DSN1: variants seen among roughly 807,000 people sequenced by gnomAD.
The protein encoded by DSN1 is kinetochore-associated protein DSN1 homolog.
Under a neutral mutation model 45.7 loss-of-function variants are expected in DSN1, and 31 were observed. The observed-to-expected ratio is 0.68, with a 90% CI of 0.51 to 0.92. DSN1 has a LOEUF of 0.92. DSN1 is among the 40% of genes least tolerant of loss of function. The pLI, the probability that DSN1 is intolerant of heterozygous loss-of-function variation, is 0.00. For missense variants in DSN1, 394 were observed against 414.2 expected, an observed-to-expected ratio of 0.95 and a Z score of 0.42; for synonymous variants, 134 against 142.3, an observed-to-expected ratio of 0.94 and a Z score of 0.41.
chr20:36,765,755 G>A (rs1396716788), intron 5 of DSN1, among the ~76,000 whole-genome samples: 2 of 139,056 alleles, frequency 1.4e-5, no homozygotes, highest in African/African-American at 2.7e-5. Context: ...CCGAGATCCC[G>A]CCACTACACT....
chr20:36,759,129 C>T (rs1986836418), intron 6 of DSN1, among the ~76,000 whole-genome samples: 1 of 152,016 alleles, frequency 6.6e-6, no homozygotes, highest in East Asian at 1.9e-4. Flanking sequence ...ACTACAAGTG[C>T]CCATGACCAT....
At chr20:36,754,951 G>T in intron 9 of DSN1, 101 bp from the exon 10 acceptor site, 1 of 957,592 alleles carries the variant, frequency 1.0e-6, no homozygotes, top group Non-Finnish European at 1.6e-6. Context: ...TGGGCTTGCT[G>T]TTCTTTCAGC....
intron 7 of DSN1, among the ~76,000 whole-genome samples, 170 bp downstream of exon 7, chr20:36,758,388 T>G (rs1568690030): frequency 6.6e-6 from 1 of 152,238 alleles, no homozygotes; most frequent in Non-Finnish European, 1.5e-5. Context: ...TCTATGAAAT[T>G]GATCATTAGT....
intron 8 of DSN1, among the ~76,000 whole-genome samples, chr20:36,756,653 C>A (rs1256188234): frequency 6.6e-6 from 1 of 151,752 alleles, no homozygotes; most frequent in Non-Finnish European, 1.5e-5. Context: ...GAGGAAGGTA[C>A]TAATATCATC....
At position 36,762,480 on chromosome 20, in the gene DSN1, A is replaced by G. The variant is rs773176404; in HGVS notation, c.571T>C (p.Cys191Arg). The G allele has an allele frequency of 6.2e-7, 1 of 1,613,718 alleles. No homozygotes were observed. Among genetic ancestry groups the G allele is most frequent in the Non-Finnish European group, 8.5e-7 (1 of 1,179,836 alleles). The change falls in exon 6 of 11, where the codon TGT (cysteine) becomes CGT (arginine). Residue 191 changes from cysteine to arginine, a missense_variant. Physicochemically the swap from Cys to Arg is radical, Grantham distance 180. Coordinates refer to ENST00000373750, the MANE Select transcript of DSN1 (RefSeq NM_001145315.2). ...GLETDGTLQK[C>R]FEDSNGKASD... Reference sequence around the variant, plus strand: ...TCTTACCCATTTGAATCTTCAAAACATTTTTGTAGAGTTCCATCAGTTTCC... The same window carrying G: ...TCTTACCCATTTGAATCTTCAAAACGTTTTTGTAGAGTTCCATCAGTTTCC...
rs777839173 is a variant in DSN1, at chr20:36,755,663, T to C, written c.873+19A>G. On this transcript the variant is annotated intron_variant, in intron 9 of 10. Coordinates refer to ENST00000373750, the MANE Select transcript of DSN1 (RefSeq NM_001145315.2). ...GGCAAAGCTGGATAACTCAACTAAA[T>C]AAACATGAGCCCACTTACCACCAAC... 2 of 1,606,054 alleles carry C rather than the reference T, an allele frequency of 1.2e-6. No homozygotes were observed. Among genetic ancestry groups the C allele is most frequent in the South Asian group, 1.1e-5 (1 of 89,804 alleles).
At position 36,771,005 on chromosome 20, in the gene DSN1, A is replaced by C. The variant is rs1324189160; in HGVS notation, c.223T>G (p.Ser75Ala). ...TGAGGAGACAAATGAAGGGACTTCG[A>C]CTGAAGTCTTTCCTGGTGGCTGAGA... is the stretch of plus-strand genomic sequence containing the variant. The part of the protein sequence containing the change: ...CDLSHQERLQ[S>A]KSLHLSPQEQ... Residue 75 changes from serine to alanine, a missense_variant, in exon 3 of 11, where the codon TCG becomes GCG. Coordinates refer to ENST00000373750, the MANE Select transcript of DSN1 (RefSeq NM_001145315.2). The C allele has an allele frequency of 4.3e-6, 7 of 1,614,206 alleles. No homozygotes were observed. Among genetic ancestry groups the C allele is most frequent in the Non-Finnish European group, 5.9e-6 (7 of 1,180,034 alleles).
chr20:36,761,635 C>T (rs1986987100), intron 6 of DSN1, among the ~76,000 whole-genome samples: 1 of 151,520 alleles, frequency 6.6e-6, no homozygotes, highest in South Asian at 2.1e-4. Context: ...CTGAGGCAGG[C>T]AGATCACCTG....
chr20:36,754,235 T>G (rs1986545430), intron 10 of DSN1, among the ~76,000 whole-genome samples: 1 of 151,964 alleles, frequency 6.6e-6, no homozygotes, highest in African/African-American at 2.4e-5. Flanking sequence ...TCTGGGAGCC[T>G]GAGGTGAAAG....
At chr20:36,752,975 T>G in intron 10 of DSN1, 78 bp from the exon 11 acceptor site, 1 of 1,154,366 alleles carries the variant, frequency 8.7e-7, no homozygotes, top group East Asian at 2.3e-5. Context: ...GTAGGGACAT[T>G]GTGACACACA....
chr20:36,765,581 C>T (rs1987275884), intron 5 of DSN1, among the ~76,000 whole-genome samples: 1 of 151,646 alleles, frequency 6.6e-6, no homozygotes, highest in Admixed American at 6.6e-5. Context: ...AAGGCGGAGG[C>T]AGGCGGATCA....
rs1255057054 is a variant in DSN1 at position 36,773,725 on chromosome 20, C to G, written c.-79G>C. The G allele has an allele frequency of 1.0e-6, 1 of 985,458 alleles. No individual in the cohort carries two copies. The highest frequency in any genetic ancestry group is 6.1e-5 in the Admixed American group (1 of 16,272). 61.0% of individuals were successfully genotyped at this position (985,458 alleles called of 1,614,324 possible). ...GGTCACTCCTGGACGCCTTGCGCAC[C>G]CGCAGCCGATACTCCCTGATCAGGG... On this transcript the variant is annotated 5_prime_UTR_variant, in exon 1 of 11. Transcript: ENST00000373750.
At position 36,755,773 on chromosome 20, in the gene DSN1, C is replaced by T. The variant is rs1208039231; in HGVS notation, c.782G>A (p.Gly261Glu). The change falls in exon 9 of 11, where the codon GGG (glycine) becomes GAG (glutamate). Residue 261 changes from glycine (G) to glutamate (E), a missense_variant. Gly to Glu is a moderately conservative substitution (Grantham distance 98). Transcript: ENST00000373750. ...ATTAAGAACTTCATTCTGAGAAGAC[C>T]CAAGATATGTCATAGGTTCCACTTT... ...EVKVEPMTYL[G>E]SSQNEVLNTK... 6.2e-7 allele frequency: 1 copy of T among 1,613,804 alleles called. No homozygotes were observed. Among genetic ancestry groups the T allele is most frequent in the Non-Finnish European group, 8.5e-7 (1 of 1,179,988 alleles).
chr20:36,772,455 A>AT (rs1230544623), intron 1 of DSN1, among the ~76,000 whole-genome samples: 1 of 151,346 alleles, frequency 6.6e-6, no homozygotes, highest in African/African-American at 2.4e-5. Flanking sequence ...CACCTGGCTA[A>AT]TTTTTGTATT....
At chr20:36,772,249 T>A (rs796557108) in intron 1 of DSN1, among the ~76,000 whole-genome samples, 1 of 151,838 alleles carries the variant, frequency 6.6e-6, no homozygotes, top group Non-Finnish European at 1.5e-5. Flanking sequence ...GTCTCTCCAC[T>A]AGTTTTTCTA....
intron 5 of DSN1, among the ~76,000 whole-genome samples, chr20:36,763,050 A>C (rs1451951564): frequency 2.0e-5 from 3 of 152,242 alleles, no homozygotes; most frequent in Non-Finnish European, 4.4e-5. Flanking sequence ...CACTGTGCCC[A>C]GCCTTTATGA....
At chr20:36,753,339 A>T (rs1452207140) in intron 10 of DSN1, among the ~76,000 whole-genome samples, 2 of 134,608 alleles carry the variant, frequency 1.5e-5, no homozygotes, top group South Asian at 2.3e-4. Flanking sequence ...GACCCTGTCT[A>T]AAAAAAAAAA....
chr20:36,759,141 C>T (rs1275652395), intron 6 of DSN1, among the ~76,000 whole-genome samples: 2 of 151,942 alleles, frequency 1.3e-5, no homozygotes, highest in African/African-American at 4.8e-5. Context: ...CATGACCATC[C>T]CTAGCTAATT....
In DSN1 at chr20:36,768,034, G is replaced by A. The variant is rs372066834; in HGVS notation, c.364C>T (p.Arg122Trp). Residue 122 changes from arginine to tryptophan, a missense_variant, in exon 4 of 11, where the codon CGG (arginine) becomes TGG (tryptophan). Coordinates refer to ENST00000373750, the MANE Select transcript of DSN1 (RefSeq NM_001145315.2). ...PIHQGITELS[R>W]SISVDLAESK... is the part of the protein sequence containing the mutation. ...TCTGCTAAATCGACACTGATAGACCGGCTGAGCTCTAACATAAAACATAGC... is the reference window on the plus strand; with the variant it reads ...TCTGCTAAATCGACACTGATAGACCAGCTGAGCTCTAACATAAAACATAGC... 1.5e-5 allele frequency: 25 copies of A among 1,614,056 alleles called. No individual in the cohort carries two copies. Among genetic ancestry groups the A allele is most frequent in the Admixed American group, 5.0e-5 (3 of 60,004 alleles).
Sources: allele counts gnomAD v4.1 joint callset (sites outside exome capture counted in the v4.1 genomes callset), GRCh38; gene constraint gnomAD v4.1.1; transcripts MANE v1.5; gene names NCBI Gene and HGNC (gene_info 2026-07-23, HGNC 2026-07-21).